The following KCTD3 variants were observed in gnomAD, a reference collection of about 807,000 sequenced individuals.
KCTD3 encodes potassium channel tetramerization domain containing 3, also known as BTB/POZ domain-containing protein KCTD3.
KCTD3 carries 41 observed loss-of-function variants against 85.8 expected under a neutral mutation model. The ratio of observed to expected loss-of-function variants is 0.48; its 90% CI spans 0.37 to 0.62. KCTD3 has a LOEUF of 0.62. Ranked by LOEUF, KCTD3 falls within the 20% of genes least tolerant of loss-of-function variation. KCTD3 has a pLI of 0.00. For missense variants in KCTD3, 724 were observed against 989.9 expected, an observed-to-expected ratio of 0.73 and a Z score of 3.60; for synonymous variants, 338 against 345.4, an observed-to-expected ratio of 0.98 and a Z score of 0.24.
chr1:215,594,701 C>T (rs1026194057), intron 9 of KCTD3, among the ~76,000 whole-genome samples: 24 of 152,054 alleles, frequency 1.6e-4, no homozygotes, highest in African/African-American at 5.1e-4. Flanking sequence ...CTTGTCTTCT[C>T]GTGTTTTTTA....
chr1:215,610,902 TAATA>T (rs1196892783), intron 14 of KCTD3, among the ~76,000 whole-genome samples: 3 of 152,106 alleles, frequency 2.0e-5, no homozygotes, highest in African/African-American at 7.2e-5. Context: ...TATTAGCTAA[TAATA>T]AAGATGACAT....
chr1:215,610,656 A>G (rs1180732870), intron 14 of KCTD3, among the ~76,000 whole-genome samples: 1 of 151,992 alleles, frequency 6.6e-6, no homozygotes, highest in African/African-American at 2.4e-5. Flanking sequence ...AGAAGGTTCC[A>G]GTAATTGAGC....
chr1:215,592,814 G>A (rs1011752803), intron 9 of KCTD3, among the ~76,000 whole-genome samples: 3 of 152,140 alleles, frequency 2.0e-5, no homozygotes, highest in African/African-American at 4.8e-5. Flanking sequence ...TAGATAAGAC[G>A]AGAGTTACTG....
rs1272252913 is a variant in KCTD3, at chr1:215,608,123, C to T, written c.1416C>T (p.Ser472=). The T allele has an allele frequency of 3.1e-6, 5 of 1,611,544 alleles. No homozygotes were observed. Among genetic ancestry groups the T allele is most frequent in the Non-Finnish European group, 2.5e-6 (3 of 1,178,616 alleles). The change falls in exon 14 of 18, where the codon TCC becomes TCT. Residue 472 remains serine, a synonymous_variant. Transcript: ENST00000259154. ...CTTTAGCGTCATTCAAGATACTATC[C>T]CTGGAGGAGACAGAAAGTCATGGTA... ...STPLASFKIL[S]LEETESHGSY...
chr1:215,609,389 A>G (rs1452370463), intron 14 of KCTD3, among the ~76,000 whole-genome samples: 1 of 152,014 alleles, frequency 6.6e-6, no homozygotes, highest in African/African-American at 2.4e-5. Flanking sequence ...GGATTATAGG[A>G]TATGTGGGTA....
intron 9 of KCTD3, among the ~76,000 whole-genome samples, chr1:215,591,721 G>C (rs1184877476): frequency 4.6e-5 from 7 of 152,150 alleles, no homozygotes; most frequent in Admixed American, 3.9e-4. Flanking sequence ...CAAGGTCTTA[G>C]GGAAACGCTT....
intron 10 of KCTD3, among the ~76,000 whole-genome samples, chr1:215,598,978 A>C (rs1294042039): frequency 2.0e-5 from 3 of 152,212 alleles, no homozygotes; most frequent in Non-Finnish European, 2.9e-5. Flanking sequence ...TGAATGTTTA[A>C]ATGTGCTATA....
intron 9 of KCTD3, among the ~76,000 whole-genome samples, chr1:215,587,860 A>T (rs904303885): frequency 6.6e-6 from 1 of 152,192 alleles, no homozygotes; most frequent in Non-Finnish European, 1.5e-5. Flanking sequence ...TTTATCATAC[A>T]TGCTTTTATA....
At chr1:215,587,987 A>G (rs1188219033) in intron 9 of KCTD3, among the ~76,000 whole-genome samples, 1 of 152,196 alleles carries the variant, frequency 6.6e-6, no homozygotes, top group South Asian at 2.1e-4. Context: ...CCTGCTGACT[A>G]CGTGTGAGGG....
At chr1:215,579,868 C>G (rs756425451) in intron 7 of KCTD3, 41 bp from the exon 8 acceptor site, 4 of 1,450,382 alleles carry the variant, frequency 2.8e-6, no homozygotes, top group Non-Finnish European at 3.9e-6. Context: ...TGCCAACCCC[C>G]GGTTTAGAAT....
intron 12 of KCTD3, among the ~76,000 whole-genome samples, chr1:215,603,605 A>G (rs546635803): frequency 6.6e-6 from 1 of 152,286 alleles, no homozygotes; most frequent in South Asian, 2.1e-4. Context: ...TTATTTGAGA[A>G]TGATTTAGTA....
intron 9 of KCTD3, among the ~76,000 whole-genome samples, chr1:215,591,002 G>A (rs1290657915): frequency 6.6e-6 from 1 of 152,120 alleles, no homozygotes; most frequent in African/African-American, 2.4e-5. Flanking sequence ...TTAGGAGTAG[G>A]TATCCTCTTC....
chr1:215,617,784 A>G (rs1655512825), intron 15 of KCTD3, among the ~76,000 whole-genome samples: 1 of 147,618 alleles, frequency 6.8e-6, no homozygotes, highest in African/African-American at 2.5e-5. Flanking sequence ...CACTATATAT[A>G]TATATAATGT....
chr1:215,604,283 A>C lies in KCTD3; in HGVS notation c.1290A>C (p.Ser430=). Reference sequence around the variant, plus strand: ...GTCCCGTAACAAAAATCATGCTATCAGAGAAGCATCTTGTATCAGGTAAAA... The same window carrying C: ...GTCCCGTAACAAAAATCATGCTATCCGAGAAGCATCTTGTATCAGGTAAAA... ...HRSPVTKIML[S]EKHLVSVCAD... Residue 430 remains serine, a synonymous_variant, in exon 13 of 18, where the codon TCA becomes TCC. Transcript: ENST00000259154. 6.2e-7 allele frequency: 1 copy of C among 1,613,730 alleles called. No homozygotes were observed. The highest frequency in any genetic ancestry group is 8.5e-7 in the Non-Finnish European group (1 of 1,179,668).
chr1:215,597,472 T>C (rs1018359264), intron 10 of KCTD3, among the ~76,000 whole-genome samples: 2 of 152,190 alleles, frequency 1.3e-5, no homozygotes, highest in Non-Finnish European at 2.9e-5. Context: ...TTCATTCTCA[T>C]ATCAACGTAG....
Position 215,602,110 on chromosome 1 carries a change from G to C in KCTD3, c.1047G>C (p.Met349Ile). ...ATATGCAGAAGTTCCCCTTGCGAAT[G>C]AAAGATAATGATCTTCTTGTAACTG... ...YIDMQKFPLR[M>I]KDNDLLVTEL... Residue 349 changes from methionine to isoleucine, a missense_variant, in exon 12 of 18, where the codon ATG (methionine) becomes ATC (isoleucine). Met to Ile is a conservative substitution (Grantham distance 10). Around this residue, in one of 6 missense-constraint regions of KCTD3, gnomAD observed 146 missense variants for 320.3 expected, o/e 0.46. Coordinates refer to ENST00000259154, the MANE Select transcript of KCTD3 (RefSeq NM_016121.5). 1 of 1,606,590 alleles carries C rather than the reference G, an allele frequency of 6.2e-7. No homozygotes were observed. Among genetic ancestry groups the C allele is most frequent in the Non-Finnish European group, 8.5e-7 (1 of 1,174,928 alleles).
At chr1:215,583,529 G>C (rs925279837) in intron 8 of KCTD3, among the ~76,000 whole-genome samples, 1 of 152,174 alleles carries the variant, frequency 6.6e-6, no homozygotes, top group Non-Finnish European at 1.5e-5. Context: ...GGATCTTTGT[G>C]ACCTTTACCT....
At chr1:215,597,333 A>G (rs1409345077) in intron 10 of KCTD3, among the ~76,000 whole-genome samples, 1 of 152,114 alleles carries the variant, frequency 6.6e-6, no homozygotes, top group African/African-American at 2.4e-5. Flanking sequence ...GAATATTAAT[A>G]AGGAATTAAT....
At position 215,580,141 on chromosome 1, in the gene KCTD3, T is replaced by C. The variant is rs1571875657; in HGVS notation, c.626+142T>C. 13 of 586,096 alleles carry C rather than the reference T, an allele frequency of 2.2e-5. No homozygotes were observed. In the East Asian group the frequency reaches 3.5e-4, roughly 16 times the overall value. The allele number at this position is 586,096 out of a possible 1,614,324, so 36.3% of individuals were successfully genotyped here. On this transcript the variant is annotated intron_variant, in intron 8 of 17. Transcript: ENST00000259154. ...ATATTTTACCCATGTCTGTATCATC[T>C]GATTAAGATTTAGTGTACTTTTATT...
Sources: gnomAD v4.1 joint callset for allele counts (sites outside exome capture counted in the v4.1 genomes callset) on GRCh38, gnomAD v4.1.1 for gene constraint, gnomAD v4.1.1 regional missense constraint, MANE v1.5 for transcripts, NCBI Gene and HGNC (gene_info 2026-07-23, HGNC 2026-07-21) for gene names.